The following SCO1 variants were observed in gnomAD, a reference collection of about 807,000 sequenced individuals.
SCO1 encodes cytochrome c oxidase assembly factor SCO1.
A neutral mutation model predicts 34.0 loss-of-function variants in SCO1; 23 were observed. The observed-to-expected ratio is 0.68, with a 90% CI of 0.49 to 0.96. The LOEUF is 0.96. Among genes scored for constraint, SCO1 ranks in the 40% least tolerant of loss-of-function variants. The pLI, the probability that SCO1 is intolerant of heterozygous loss-of-function variation, is 0.00. For synonymous variants in SCO1, 161 were observed against 145.5 expected, an observed-to-expected ratio of 1.11 and a Z score of -0.77; for missense variants, 404 against 381.6, an observed-to-expected ratio of 1.06 and a Z score of -0.49.
intron 5 of SCO1, chr17:10,684,005 G>C (rs2074638289): frequency 6.6e-6 from 1 of 152,160 alleles, no homozygotes; most frequent in Admixed American, 6.5e-5. Flanking sequence ...AGGGACTGAA[G>C]TCATACTAAT....
rs997838926 is a variant in SCO1 at position 10,676,996 on chromosome 17, C to T, written c.*4123G>A. ...CATTTTGTTACACAGTAATATAACC[C>T]CTAACTGGTAAGTAAAAAGCACAAA... On this transcript the variant is annotated 3_prime_UTR_variant, in exon 6 of 6. Transcript: ENST00000255390. 5 of 152,140 alleles carry T rather than the reference C, an allele frequency of 3.3e-5. No individual in the cohort carries two copies. The East Asian group carries it at 9.6e-4, about 29-fold the overall frequency. The allele number at this position is 152,140 out of a possible 1,614,324, so 9.4% of individuals were successfully genotyped here.
intron 5 of SCO1, among the ~76,000 whole-genome samples, chr17:10,682,259 C>T (rs183374376): frequency 2.0e-5 from 3 of 152,302 alleles, no homozygotes; most frequent in African/African-American, 4.8e-5. Context: ...AAACATACCC[C>T]AGCACGCACT....
chr17:10,681,848 T>C (rs1265176909), intron 5 of SCO1, among the ~76,000 whole-genome samples: 2 of 152,206 alleles, frequency 1.3e-5, no homozygotes, highest in African/African-American at 2.4e-5. Context: ...ATCTATAAAT[T>C]TGAACAATAT....
chr17:10,689,125 A>C (rs2074675410), intron 4 of SCO1, among the ~76,000 whole-genome samples: 1 of 139,812 alleles, frequency 7.2e-6, no homozygotes, highest in Non-Finnish European at 1.5e-5. Flanking sequence ...CAAAAAAAAA[A>C]AAAAAAAAAA....
rs869243005 is a variant in SCO1, at chr17:10,696,071, T to TAAAAAAAAAAAAAAAAAAA, written c.274-259_274-241dup. Among the ~76,000 whole-genome samples the TAAAAAAAAAAAAAAAAAAA allele has an allele frequency of 4.1e-5, 3 of 72,994 alleles. 1 individual carries two copies. The highest frequency in any genetic ancestry group is 2.5e-5 in the Non-Finnish European group (1 of 39,608). 47.9% of individuals were successfully genotyped at this position (72,994 alleles called of 152,430 possible). A position where few individuals can be genotyped will look rare whatever the true frequency, so the allele number is the denominator to read the frequency against. On this transcript the variant is annotated intron_variant, in intron 1 of 5. Transcript: ENST00000255390. ...CCTAAGTCAGTTCTCTTCATGTAAA[T>TAAAAAAAAAAAAAAAAAAA]AAAAAAAAAAAAAAAAAAAAAAAAA...
intron 4 of SCO1, among the ~76,000 whole-genome samples, chr17:10,688,757 T>G (rs918460291): frequency 1.3e-5 from 2 of 152,232 alleles, no homozygotes; most frequent in African/African-American, 4.8e-5. Context: ...GGTGAACTAT[T>G]AGTCAGCAAC....
chr17:10,681,164 A>T lies in SCO1; in HGVS notation c.861T>A (p.Ala287=). ...GCCTCATGTGTGTGGCAATTGAAGC[A>T]GCTATTTCTCCCTTCCTCTTGTTCT... ...FGQNKRKGEI[A]ASIATHMRPY... is the part of the protein sequence containing the mutation. The change falls in exon 6 of 6, where the codon GCT becomes GCA. Residue 287 remains alanine (A), a synonymous_variant. Coordinates refer to ENST00000255390, the MANE Select transcript of SCO1 (RefSeq NM_004589.4). The T allele has an allele frequency of 6.2e-7, 1 of 1,614,192 alleles. No homozygotes were observed. Among genetic ancestry groups the T allele is most frequent in the Non-Finnish European group, 8.5e-7 (1 of 1,180,020 alleles).
Position 10,673,886 on chromosome 17 carries a change from G to A in SCO1, c.*7233C>T, listed in dbSNP as rs1352226996. The A allele has an allele frequency of 6.6e-6, 1 of 152,112 alleles. No homozygotes were observed. The highest frequency in any genetic ancestry group is 6.5e-5 in the Admixed American group (1 of 15,276). The allele number at this position is 152,112 out of a possible 1,614,324, so 9.4% of individuals were successfully genotyped here. A position where few individuals can be genotyped will look rare whatever the true frequency, so the allele number is the denominator to read the frequency against. ...GTCTTTGACAAAAATTTCAAAAGTG[G>A]GGCAATTAAATAATTATCAGAAAAT... On this transcript the variant is annotated 3_prime_UTR_variant, in exon 6 of 6. Transcript: ENST00000255390.
intron 2 of SCO1, among the ~76,000 whole-genome samples, chr17:10,693,945 G>T (rs1022131170): frequency 6.6e-6 from 1 of 152,212 alleles, no homozygotes; most frequent in Non-Finnish European, 1.5e-5. Flanking sequence ...TTGATAGTGG[G>T]ATGGGGAACA....
At chr17:10,690,926 GAAA>G (rs1035819239) in intron 4 of SCO1, among the ~76,000 whole-genome samples, 2 of 152,102 alleles carry the variant, frequency 1.3e-5, no homozygotes, top group African/African-American at 4.8e-5. Flanking sequence ...TATGTTAAAT[GAAA>G]AAAGTCAGGC....
chr17:10,695,472 G>A (rs570655360), intron 2 of SCO1: 310 of 404,470 alleles, frequency 7.7e-4, no homozygotes, highest in Admixed American at 1.2e-3. Context: ...GACATTGATA[G>A]AAAAACAAGT....
intron 1 of SCO1, among the ~76,000 whole-genome samples, chr17:10,696,564 T>C (rs915729318): frequency 2.6e-5 from 4 of 152,318 alleles, no homozygotes; most frequent in East Asian, 1.9e-4. Context: ...CTTCCAGAAG[T>C]AACAATGCCA....
chr17:10,680,897 C>T lies in SCO1; in HGVS notation c.*222G>A, dbSNP rs1429320675. The T allele has an allele frequency of 6.8e-6, 4 of 586,206 alleles. No homozygotes were observed. Among genetic ancestry groups the T allele is most frequent in the Non-Finnish European group, 1.2e-5 (4 of 332,188 alleles). The allele number at this position is 586,206 out of a possible 1,614,324, so 36.3% of individuals were successfully genotyped here. A position where few individuals can be genotyped will look rare whatever the true frequency, so the allele number is the denominator to read the frequency against. On this transcript the variant is annotated 3_prime_UTR_variant, in exon 6 of 6. Transcript: ENST00000255390. ...CTTCAGCTTGATCCTCTGGTCTCCC[C>T]ACAGCTTCCTGGGAGACTTTGGGTT...
rs200698018 is a variant in SCO1, at chr17:10,674,427, AAAAC to A, written c.*6688_*6691del. 222 of 287,892 alleles carry A rather than the reference AAAAC, an allele frequency of 7.7e-4. No homozygotes were observed. Among genetic ancestry groups the A allele is most frequent in the Middle Eastern group, 1.3e-3 (1 of 742 alleles). 17.8% of individuals were successfully genotyped at this position (287,892 alleles called of 1,614,324 possible). A position where few individuals can be genotyped will look rare whatever the true frequency, so the allele number is the denominator to read the frequency against. On this transcript the variant is annotated 3_prime_UTR_variant, in exon 6 of 6. Transcript: ENST00000255390. ...GGCAACAAGAGCGAAACTCCATCTC[AAAAC>A]AAACAAACAAACAAACAAAAAAACA...
At chr17:10,690,795 C>T (rs1228760902) in intron 4 of SCO1, among the ~76,000 whole-genome samples, 1 of 152,124 alleles carries the variant, frequency 6.6e-6, no homozygotes, top group Non-Finnish European at 1.5e-5. Flanking sequence ...CAGTACTCAT[C>T]AACAGGTGAA....
rs1455238459 is a variant in SCO1, at chr17:10,677,135, G to A, written c.*3984C>T. 1 of 152,026 alleles carries A rather than the reference G, an allele frequency of 6.6e-6. No individual in the cohort carries two copies. Among genetic ancestry groups the A allele is most frequent in the African/African-American group, 2.4e-5 (1 of 41,376 alleles). 9.4% of individuals were successfully genotyped at this position (152,026 alleles called of 1,614,324 possible). On this transcript the variant is annotated 3_prime_UTR_variant, in exon 6 of 6. Coordinates refer to ENST00000255390, the MANE Select transcript of SCO1 (RefSeq NM_004589.4). ...CAGCCTGACCAACATGGAGAAACCC[G>A]TCTCTACTAAAAATACAAAAATTTA...
chr17:10,686,826 C>T lies in SCO1; in HGVS notation c.672G>A (p.Leu224=), dbSNP rs750677212. Residue 224 remains leucine, a synonymous_variant, in exon 5 of 6, where the codon CTG becomes CTA. Transcript: ENST00000255390. ...ANYVKEFSPK[L]VGLTGTREEV... ...CTTCTCTCGTGCCAGTCAAGCCAAC[C>T]AGTTTGGGAGAAAATTCTAAATAAA... 3.7e-6 allele frequency: 6 copies of T among 1,612,974 alleles called. No homozygotes were observed. The highest frequency in any genetic ancestry group is 5.1e-6 in the Non-Finnish European group (6 of 1,179,030).
At chr17:10,696,071 T>TAAATA (rs2074721706) in intron 1 of SCO1, among the ~76,000 whole-genome samples, 1 of 72,996 alleles carries the variant, frequency 1.4e-5, no homozygotes, top group African/African-American at 5.4e-5. Context: ...TTCATGTAAA[T>TAAATA]AAAAAAAAAA....
In SCO1 at chr17:10,673,815, C is replaced by T. The variant is rs2074563352; in HGVS notation, c.*7304G>A. The T allele has an allele frequency of 6.6e-6, 1 of 152,176 alleles. No homozygotes were observed. The highest frequency in any genetic ancestry group is 2.1e-4 in the South Asian group (1 of 4,830). 9.4% of individuals were successfully genotyped at this position (152,176 alleles called of 1,614,324 possible). On this transcript the variant is annotated 3_prime_UTR_variant, in exon 6 of 6. Coordinates refer to ENST00000255390, the MANE Select transcript of SCO1 (RefSeq NM_004589.4). ...ATTATAACAACTCGATGGAGAAACG[C>T]TTGGTATACTGTGCTGAATAGAAGT...
Sources: gnomAD v4.1 joint callset for allele counts (sites outside exome capture counted in the v4.1 genomes callset) on GRCh38, gnomAD v4.1.1 for gene constraint, MANE v1.5 for transcripts, NCBI Gene and HGNC (gene_info 2026-07-23, HGNC 2026-07-21) for gene names.